PAN3: variants seen among roughly 807,000 people sequenced by gnomAD.
The protein encoded by PAN3 is PAN2-PAN3 deadenylation complex subunit PAN3.
PAN3 carries 19 observed loss-of-function variants against 96.2 expected under a neutral mutation model. The ratio of observed to expected loss-of-function variants is 0.20; its 90% CI spans 0.14 to 0.29. The LOEUF (loss-of-function observed/expected upper bound fraction) is 0.29. PAN3 is among the 10% of genes least tolerant of loss of function. PAN3 has a pLI of 1.00. For synonymous variants in PAN3, 433 were observed against 406.6 expected, an observed-to-expected ratio of 1.06 and a Z score of -0.78; for missense variants, 882 against 1,108.1, an observed-to-expected ratio of 0.80 and a Z score of 2.90.
chr13:28,187,260 G>A (rs1267545098), intron 4 of PAN3, among the ~76,000 whole-genome samples: 5 of 152,176 alleles, frequency 3.3e-5, no homozygotes, highest in African/African-American at 7.2e-5. Context: ...CCAGGAGGTT[G>A]AGGTTGCAGC....
chr13:28,189,128 C>G (rs1024195070), intron 4 of PAN3, among the ~76,000 whole-genome samples: 1 of 152,098 alleles, frequency 6.6e-6, no homozygotes, highest in African/African-American at 2.4e-5. Flanking sequence ...AGTGGACTTC[C>G]CTTAGCCCTA....
intron 1 of PAN3, among the ~76,000 whole-genome samples, chr13:28,153,351 T>C (rs2137981995): frequency 6.7e-6 from 1 of 148,956 alleles, no homozygotes; most frequent in South Asian, 2.2e-4. Flanking sequence ...TTCTCCTGCC[T>C]CAGCCTCCCG....
In PAN3 at chr13:28,180,514, TATGAA is replaced by T. The variant is rs1310491895; in HGVS notation, c.690+2581_690+2585del. On this transcript the variant is annotated intron_variant, in intron 4 of 18. Coordinates refer to ENST00000380958, the MANE Select transcript of PAN3 (RefSeq NM_175854.8). The stretch of plus-strand genomic sequence containing the variant: ...TATTACACATAGTGAATTAAAGGCA[TATGAA>T]AAAATGTCTGTTTAACGAAGTAATT... Among the ~76,000 whole-genome samples the T allele has an allele frequency of 3.9e-5, 6 of 152,152 alleles. No individual in the cohort carries two copies. The East Asian group carries it at 1.2e-3, about 29-fold the overall frequency.
intron 1 of PAN3, among the ~76,000 whole-genome samples, chr13:28,144,596 C>A (rs555457241): frequency 6.6e-6 from 1 of 151,902 alleles, no homozygotes; most frequent in Non-Finnish European, 1.5e-5. Context: ...AGCACTTTTT[C>A]CTGTAAAAGT....
intron 5 of PAN3, among the ~76,000 whole-genome samples, chr13:28,201,112 A>G (rs1878639585): frequency 6.6e-6 from 1 of 150,408 alleles, no homozygotes; most frequent in Admixed American, 6.6e-5. Context: ...GGCTCACCTC[A>G]TAGTCTCGAC....
chr13:28,226,197 A>G (rs1881985752), intron 6 of PAN3, among the ~76,000 whole-genome samples: 1 of 152,190 alleles, frequency 6.6e-6, no homozygotes. Context: ...ATTGCTTTAG[A>G]TTATTTTGTG....
intron 13 of PAN3, among the ~76,000 whole-genome samples, chr13:28,271,103 G>A (rs1204674050): frequency 6.6e-6 from 1 of 152,078 alleles, no homozygotes; most frequent in Non-Finnish European, 1.5e-5. Flanking sequence ...TGTGGTTAGG[G>A]TTAGGGGAAT....
intron 14 of PAN3, among the ~76,000 whole-genome samples, chr13:28,276,556 A>C (rs1265732289): frequency 6.6e-6 from 1 of 152,174 alleles, no homozygotes; most frequent in Non-Finnish European, 1.5e-5. Flanking sequence ...CTTGAGTGGG[A>C]GAGGTTTTAG....
At chr13:28,154,996 ATT>A (rs750522409) in intron 1 of PAN3, among the ~76,000 whole-genome samples, 4 of 132,998 alleles carry the variant, frequency 3.0e-5, no homozygotes, top group African/African-American at 2.8e-5. Context: ...AATTTTTTGT[ATT>A]TTTTTTTTTT....
chr13:28,288,218 A>T (rs1869223660), intron 18 of PAN3, 96 bp downstream of exon 18: 3 of 1,132,246 alleles, frequency 2.6e-6, no homozygotes, highest in Middle Eastern at 3.0e-4. Context: ...AGAAATCAGG[A>T]TGTACTCTTA....
chr13:28,275,044 A>C (rs552276254), intron 14 of PAN3, among the ~76,000 whole-genome samples: 1 of 152,196 alleles, frequency 6.6e-6, no homozygotes, highest in African/African-American at 2.4e-5. Context: ...TTGGGGGGCA[A>C]ATCTCCTGAA....
At chr13:28,155,514 G>T (rs915227284) in intron 1 of PAN3, among the ~76,000 whole-genome samples, 1 of 152,084 alleles carries the variant, frequency 6.6e-6, no homozygotes, top group Non-Finnish European at 1.5e-5. Flanking sequence ...GCATGACCCC[G>T]GGAGGTGGAG....
At chr13:28,144,331 C>T (rs1870299506) in intron 1 of PAN3, among the ~76,000 whole-genome samples, 1 of 151,194 alleles carries the variant, frequency 6.6e-6, no homozygotes, top group South Asian at 2.1e-4. Flanking sequence ...ATTCCTGCCT[C>T]AGCCTCCTGA....
chr13:28,237,886 A>G (rs1313252269), intron 6 of PAN3, among the ~76,000 whole-genome samples: 1 of 152,102 alleles, frequency 6.6e-6, no homozygotes, highest in East Asian at 1.9e-4. Context: ...CACAATGGTG[A>G]CAAGAGAGAG....
At chr13:28,141,224 C>T (rs1356498078) in intron 1 of PAN3, among the ~76,000 whole-genome samples, 4 of 151,230 alleles carry the variant, frequency 2.6e-5, no homozygotes, top group African/African-American at 4.9e-5. Flanking sequence ...AGGTGGGTCT[C>T]GAACTCCTGA....
At chr13:28,165,733 T>C (rs866618485) in intron 1 of PAN3, among the ~76,000 whole-genome samples, 1 of 152,148 alleles carries the variant, frequency 6.6e-6, no homozygotes, top group African/African-American at 2.4e-5. Flanking sequence ...TTCTGGAGGC[T>C]GGGAAGTCCA....
chr13:28,273,045 C>T (rs1308340074), intron 14 of PAN3, among the ~76,000 whole-genome samples: 1 of 152,142 alleles, frequency 6.6e-6, no homozygotes, highest in East Asian at 1.9e-4. Context: ...ACTTTTAGAA[C>T]ACTTGTCTGA....
intron 1 of PAN3, among the ~76,000 whole-genome samples, chr13:28,173,040 A>T (rs1874506017): frequency 6.6e-6 from 1 of 152,188 alleles, no homozygotes; most frequent in East Asian, 1.9e-4. Context: ...GTGTGTCAGG[A>T]ATTCTCATTG....
intron 6 of PAN3, among the ~76,000 whole-genome samples, chr13:28,223,558 T>G (rs980780087): frequency 1.3e-5 from 2 of 151,968 alleles, no homozygotes; most frequent in African/African-American, 4.8e-5. Context: ...TGTTTTTTTT[T>G]TTGTTTTTTG....
Sources: allele counts gnomAD v4.1 joint callset (sites outside exome capture counted in the v4.1 genomes callset), GRCh38; gene constraint gnomAD v4.1.1; transcripts MANE v1.5; gene names NCBI Gene and HGNC (gene_info 2026-07-23, HGNC 2026-07-21).